The following CAMK2D variants were observed in gnomAD, a reference collection of about 807,000 sequenced individuals.
CAMK2D encodes calcium/calmodulin dependent protein kinase II delta, also known as calcium/calmodulin-dependent protein kinase type II subunit delta.
Under a neutral mutation model 84.0 loss-of-function variants are expected in CAMK2D, and 37 were observed. The observed-to-expected ratio is 0.44, with a 90% CI of 0.34 to 0.58. The LOEUF is 0.58. CAMK2D is among the 20% of genes least tolerant of loss of function. CAMK2D has a pLI of 0.02. For missense variants in CAMK2D, 448 were observed against 652.5 expected, an observed-to-expected ratio of 0.69 and a Z score of 3.41; for synonymous variants, 202 against 212.5, an observed-to-expected ratio of 0.95 and a Z score of 0.43.
chr4:113,502,301 C>A (rs58848224), intron 15 of CAMK2D, among the ~76,000 whole-genome samples: 5,434 of 151,736 alleles, frequency 0.036, 261 homozygotes, highest in African/African-American at 0.12. Context: ...AGTAGTTAAA[C>A]CCCTGTTACT....
At chr4:113,605,356 T>C (rs1022427965) in intron 4 of CAMK2D, among the ~76,000 whole-genome samples, 1 of 152,234 alleles carries the variant, frequency 6.6e-6, no homozygotes, top group Non-Finnish European at 1.5e-5. Context: ...TGAACTCCCA[T>C]GCACATAAAT....
chr4:113,533,368 G>A (rs2098470307), intron 7 of CAMK2D, among the ~76,000 whole-genome samples: 1 of 151,998 alleles, frequency 6.6e-6, no homozygotes. Flanking sequence ...AAATAGAGAA[G>A]ACCTTCTCTG....
intron 2 of CAMK2D, among the ~76,000 whole-genome samples, chr4:113,663,936 T>C (rs1037220216): frequency 5.9e-5 from 9 of 152,204 alleles, no homozygotes; most frequent in African/African-American, 1.9e-4. Context: ...TATTTGGAGA[T>C]GGAATGTTTA....
chr4:113,514,145 T>C (rs2098253989), intron 10 of CAMK2D, among the ~76,000 whole-genome samples: 1 of 152,164 alleles, frequency 6.6e-6, no homozygotes, highest in African/African-American at 2.4e-5. Flanking sequence ...CCGGGCGCGG[T>C]GGGTCACGCC....
Position 113,761,473 on chromosome 4 carries a change from GAGT to G in CAMK2D, c.-408_-406del. On this transcript the variant is annotated 5_prime_UTR_variant, in exon 1 of 21. Coordinates refer to ENST00000511664, the MANE Select transcript of CAMK2D (RefSeq NM_001321571.2). Reference sequence around the variant, plus strand: ...GAAACGATCCGCACTGGAGCAGGAGGAGTAGAAGCAGAGGGGAGGGAGTCCGAG... The same window carrying G: ...GAAACGATCCGCACTGGAGCAGGAGGAGAAGCAGAGGGGAGGGAGTCCGAG... The G allele has an allele frequency of 3.6e-6, 4 of 1,110,370 alleles. No individual in the cohort carries two copies. Among genetic ancestry groups the G allele is most frequent in the Non-Finnish European group, 3.3e-6 (3 of 901,898 alleles). 68.8% of individuals were successfully genotyped at this position (1,110,370 alleles called of 1,614,324 possible).
chr4:113,486,784 C>A (rs966985573), intron 16 of CAMK2D, among the ~76,000 whole-genome samples: 1 of 152,210 alleles, frequency 6.6e-6, no homozygotes, highest in African/African-American at 2.4e-5. Context: ...CTGAACACAA[C>A]TATTGTAGTT....
chr4:113,761,680 T>C lies in CAMK2D; in HGVS notation c.-612A>G, dbSNP rs916350021. 3.5e-5 allele frequency: 34 copies of C among 983,640 alleles called. No individual in the cohort carries two copies. The highest frequency in any genetic ancestry group is 3.5e-5 in the Non-Finnish European group (29 of 828,556). The allele number at this position is 983,640 out of a possible 1,614,324, so 60.9% of individuals were successfully genotyped here. A position where few individuals can be genotyped will look rare whatever the true frequency, so the allele number is the denominator to read the frequency against. On this transcript the variant is annotated 5_prime_UTR_variant, in exon 1 of 21. Transcript: ENST00000511664. ...GCGGCTCCGGCGAAGCGAGGCACCT[T>C]GGCGGCCTCGCGCTGCTCACGAGCC... is the stretch of plus-strand genomic sequence containing the variant.
intron 16 of CAMK2D, among the ~76,000 whole-genome samples, chr4:113,488,346 A>T (rs1448754954): frequency 1.3e-5 from 2 of 152,204 alleles, no homozygotes; most frequent in African/African-American, 4.8e-5. Flanking sequence ...ACATAAAGTA[A>T]TATCTATGAA....
At chr4:113,642,371 A>C (rs1348246076) in intron 3 of CAMK2D, among the ~76,000 whole-genome samples, 1 of 152,212 alleles carries the variant, frequency 6.6e-6, no homozygotes, top group Non-Finnish European at 1.5e-5. Flanking sequence ...GTAAAGTGAA[A>C]AATTGAGGGA....
At chr4:113,705,400 C>T (rs2099446163) in intron 2 of CAMK2D, among the ~76,000 whole-genome samples, 1 of 151,840 alleles carries the variant, frequency 6.6e-6, no homozygotes, top group Admixed American at 6.6e-5. Flanking sequence ...TTAGATGCCT[C>T]AGGTTCTCTG....
intron 8 of CAMK2D, among the ~76,000 whole-genome samples, chr4:113,522,829 G>C (rs553596444): frequency 6.6e-6 from 1 of 152,108 alleles, no homozygotes. Flanking sequence ...TAAAATGTCC[G>C]CATGTCTGAC....
chr4:113,604,640 C>T (rs1161789130), intron 4 of CAMK2D, among the ~76,000 whole-genome samples: 1 of 152,158 alleles, frequency 6.6e-6, no homozygotes, highest in Non-Finnish European at 1.5e-5. Flanking sequence ...AAACTTTTAC[C>T]TTCTTCACTT....
chr4:113,696,491 C>T (rs2099403291), intron 2 of CAMK2D, among the ~76,000 whole-genome samples: 1 of 152,004 alleles, frequency 6.6e-6, no homozygotes, highest in Admixed American at 6.6e-5. Flanking sequence ...CATAAAAAAT[C>T]ACCCAAAATC....
intron 2 of CAMK2D, among the ~76,000 whole-genome samples, chr4:113,707,554 T>C (rs985679064): frequency 1.3e-5 from 2 of 152,186 alleles, no homozygotes; most frequent in Non-Finnish European, 2.9e-5. Context: ...TAGACAGATA[T>C]TTAATGTACC....
intron 2 of CAMK2D, among the ~76,000 whole-genome samples, chr4:113,701,227 A>T (rs971062445): frequency 2.6e-5 from 4 of 152,198 alleles, no homozygotes; most frequent in African/African-American, 9.6e-5. Flanking sequence ...TTTCAAACGT[A>T]GACACTGTGG....
At chr4:113,568,981 G>A (rs143369501) in intron 4 of CAMK2D, among the ~76,000 whole-genome samples, 6 of 150,844 alleles carry the variant, frequency 4.0e-5, no homozygotes, top group African/African-American at 9.7e-5. Flanking sequence ...TATATATTCC[G>A]GATATTAACC....
rs199750821 is a variant in CAMK2D, at chr4:113,503,074, G to A, written c.1045-97C>T. On this transcript the variant is annotated intron_variant, in intron 14 of 20. Transcript: ENST00000511664. ...AGCAGAGTGAGCCAGCTGACAAAAT[G>A]AAATAGTGACAAGAGCTAAAGCGAT... 10 of 865,192 alleles carry A rather than the reference G, an allele frequency of 1.2e-5. No individual in the cohort carries two copies. In the East Asian group the frequency reaches 2.4e-4, roughly 21 times the overall value. 53.6% of individuals were successfully genotyped at this position (865,192 alleles called of 1,614,324 possible).
chr4:113,517,163 T>C (rs1241210067), intron 9 of CAMK2D, among the ~76,000 whole-genome samples: 1 of 152,078 alleles, frequency 6.6e-6, no homozygotes, highest in East Asian at 1.9e-4. Flanking sequence ...AATGTTCTAT[T>C]TGATATGTGA....
chr4:113,676,199 C>T (rs2099317634), intron 2 of CAMK2D, among the ~76,000 whole-genome samples: 1 of 152,148 alleles, frequency 6.6e-6, no homozygotes, highest in Non-Finnish European at 1.5e-5. Flanking sequence ...TGGGCTATTT[C>T]AACAGACACA....
Sources: gnomAD v4.1 joint callset for allele counts (sites outside exome capture counted in the v4.1 genomes callset) on GRCh38, gnomAD v4.1.1 for gene constraint, MANE v1.5 for transcripts, NCBI Gene and HGNC (gene_info 2026-07-23, HGNC 2026-07-21) for gene names.